Variants in SLC7A2 observed in about 807,000 individuals in gnomAD.
The protein encoded by SLC7A2 is cationic amino acid transporter 2.
In SLC7A2, 48 loss-of-function variants were observed where a neutral mutation model predicts 58.9. That is an observed-to-expected ratio of 0.82 (90% CI 0.65 to 1.04). The LOEUF is 1.04. Among genes scored for constraint, SLC7A2 ranks in the 50% least tolerant of loss-of-function variants. The probability of loss-of-function intolerance (pLI) is 0.00; values close to 1 mark genes in which losing one functional copy is unlikely to be tolerated. For synonymous variants in SLC7A2, 363 were observed against 314.5 expected (o/e 1.15, Z -1.63); for missense variants, 1,029 against 818.8 (o/e 1.26, Z -3.13).
chr8:17,532,583 A>G (rs1217428871), intron 2 of SLC7A2, among the ~76,000 whole-genome samples: 1 of 152,158 alleles, frequency 6.6e-6, no homozygotes, highest in Non-Finnish European at 1.5e-5. Flanking sequence ...TGAACAGCTA[A>G]TAAGTTGAAT....
At position 17,565,090 on chromosome 8, in the gene SLC7A2, C is replaced by G. The variant is rs1056220203; in HGVS notation, c.1921C>G (p.His641Asp). 3.7e-6 allele frequency: 6 copies of G among 1,613,844 alleles called. No homozygotes were observed. In the Admixed American group the frequency reaches 5.0e-5, roughly 13 times the overall value. ...EKSAIQANDH[H>D]PRNLSSPFIF... ...ATCTGCCATTCAAGCAAATGACCAT[C>G]ACCCAAGAAATCTCAGTTCACCTTT... Residue 641 changes from histidine (H) to aspartate (D), a missense_variant, in exon 13 of 13, where the codon CAC becomes GAC. Transcript: ENST00000494857.
Position 17,543,712 on chromosome 8 carries a change from A to T in SLC7A2, c.373A>T (p.Ile125Leu). ...CTGGAATCTCATTTTATCGTATGTG[A>T]TAGGTATGTTTCAAAAAGAAATCTA... ...TGWNLILSYV[I>L]GTSSVARAWS... is the part of the protein sequence containing the mutation. Residue 125 changes from isoleucine to leucine, a missense_variant, in exon 3 of 13, where the codon ATA (isoleucine) becomes TTA (leucine). Transcript: ENST00000494857. 1 of 1,516,014 alleles carries T rather than the reference A, an allele frequency of 6.6e-7. No individual in the cohort carries two copies. The highest frequency in any genetic ancestry group is 8.8e-7 in the Non-Finnish European group (1 of 1,133,240). The allele number at this position is 1,516,014 out of a possible 1,614,324, so 93.9% of individuals were successfully genotyped here.
At chr8:17,500,395 T>G (rs539826839) in intron 1 of SLC7A2, 1 of 152,308 alleles carries the variant, frequency 6.6e-6, no homozygotes, top group African/African-American at 2.4e-5. Context: ...AAGTGGTGTT[T>G]GTGGTTATGG....
chr8:17,501,265 C>T (rs1339294863), intron 1 of SLC7A2, among the ~76,000 whole-genome samples: 10 of 152,142 alleles, frequency 6.6e-5, no homozygotes, highest in Non-Finnish European at 8.8e-5. Context: ...CCGCCTGCCT[C>T]GGCTTTCCAA....
At chr8:17,494,370 A>G (rs1174306903), upstream of SLC7A2, among the ~76,000 whole-genome samples, 1 of 152,224 alleles carries the variant, frequency 6.6e-6, no homozygotes, top group Non-Finnish European at 1.5e-5. Flanking sequence ...TCTTTGGAAG[A>G]TGACAACCTA....
intron 8 of SLC7A2, among the ~76,000 whole-genome samples, chr8:17,556,596 C>T (rs780048400): frequency 2.3e-4 from 35 of 149,784 alleles, no homozygotes; most frequent in Non-Finnish European, 3.8e-4. Context: ...AATAATCTGA[C>T]GTATATGAGC....
chr8:17,502,235 C>G (rs557693338), intron 1 of SLC7A2, 22 bp from the exon 2 acceptor site: 2 of 152,010 alleles, frequency 1.3e-5, no homozygotes, highest in South Asian at 2.1e-4. Flanking sequence ...TTAGTTATCA[C>G]TCCCATCATT....
intron 2 of SLC7A2, among the ~76,000 whole-genome samples, chr8:17,518,214 C>T (rs1563443054): frequency 7.0e-6 from 1 of 143,254 alleles, no homozygotes; most frequent in East Asian, 2.1e-4. Context: ...TTTTTCTTTT[C>T]TTTCTTTTTT....
chr8:17,553,266 G>A (rs935373055), intron 7 of SLC7A2, among the ~76,000 whole-genome samples: 4 of 152,064 alleles, frequency 2.6e-5, no homozygotes. Context: ...CCCGAGGCTG[G>A]TCTTGAACTC....
In SLC7A2 at chr8:17,521,454, T is replaced by C. The variant is rs139495336; in HGVS notation, c.-23+19152T>C. ...TAGGCACACTGTCTGTCTCATTAAT[T>C]TCTGTAAACGTCTTGGTTAAGGAAT... On this transcript the variant is annotated intron_variant, in intron 2 of 12. Coordinates refer to ENST00000494857, the MANE Select transcript of SLC7A2 (RefSeq NM_001370338.1). Among the ~76,000 whole-genome samples the C allele has an allele frequency of 2.2e-3, 334 of 152,354 alleles. 2 individuals carry two copies. Among genetic ancestry groups the C allele is most frequent in the African/African-American group, 7.8e-3 (325 of 41,582 alleles).
chr8:17,535,299 C>G (rs1362587681), intron 2 of SLC7A2, among the ~76,000 whole-genome samples: 1 of 152,098 alleles, frequency 6.6e-6, no homozygotes, highest in Admixed American at 6.5e-5. Context: ...ACCGCCCCCT[C>G]CCGCCCTCCT....
rs1443030475 is a variant in SLC7A2 at position 17,520,880 on chromosome 8, G to T, written c.-23+18578G>T. On this transcript the variant is annotated intron_variant, in intron 2 of 12. Coordinates refer to ENST00000494857, the MANE Select transcript of SLC7A2 (RefSeq NM_001370338.1). ...AATACTGAAGAAAAAAGATATTTAA[G>T]TGTCTTAAAAGCAAATCAGTTCTGT... 3 of 227,334 alleles carry T rather than the reference G, an allele frequency of 1.3e-5. No individual in the cohort carries two copies. The East Asian group carries it at 5.4e-4, about 41-fold the overall frequency. 14.1% of individuals were successfully genotyped at this position (227,334 alleles called of 1,614,324 possible). A position where few individuals can be genotyped will look rare whatever the true frequency, so the allele number is the denominator to read the frequency against.
At chr8:17,564,118 T>A (rs1352067095) in intron 12 of SLC7A2, among the ~76,000 whole-genome samples, 2 of 152,228 alleles carry the variant, frequency 1.3e-5, no homozygotes, top group Non-Finnish European at 2.9e-5. Flanking sequence ...ACAGTTGCTT[T>A]GCATACAGTT....
At position 17,567,844 on chromosome 8, in the gene SLC7A2, C is replaced by G. The variant is rs1040308067; in HGVS notation, c.*2698C>G. On this transcript the variant is annotated 3_prime_UTR_variant, in exon 13 of 13. Transcript: ENST00000494857. ...AAACTCTAGTACATTATAGCAGGTG[C>G]TTTGTAATCTGGAATGGAGAAGAGG... is the stretch of plus-strand genomic sequence containing the variant. 1 of 152,086 alleles carries G rather than the reference C, an allele frequency of 6.6e-6. No homozygotes were observed. The highest frequency in any genetic ancestry group is 2.4e-5 in the African/African-American group (1 of 41,388). The allele number at this position is 152,086 out of a possible 1,614,324, so 9.4% of individuals were successfully genotyped here.
At chr8:17,563,261 G>T (rs1803107023) in intron 11 of SLC7A2, among the ~76,000 whole-genome samples, 1 of 152,170 alleles carries the variant, frequency 6.6e-6, no homozygotes, top group Admixed American at 6.5e-5. Flanking sequence ...AGGGCTTCCT[G>T]GGAGGATGTA....
intron 2 of SLC7A2, among the ~76,000 whole-genome samples, chr8:17,539,229 C>A (rs1801804863): frequency 6.6e-6 from 1 of 152,042 alleles, no homozygotes; most frequent in Non-Finnish European, 1.5e-5. Context: ...GGAGGTAATT[C>A]CAAGTTGCTG....
In SLC7A2 at chr8:17,497,793, G is replaced by C. The variant is rs1439192348; in HGVS notation, c.-69+556G>C. 2.0e-5 allele frequency among the ~76,000 whole-genome samples: 3 copies of C among 152,308 alleles called. No individual in the cohort carries two copies. The East Asian group carries it at 5.8e-4, about 29-fold the overall frequency. On this transcript the variant is annotated intron_variant, in intron 1 of 12. Transcript: ENST00000494857. ...GGACCTGGTAAAATAGCCCGTCTTG[G>C]TGTTTGTATTGGGTATTTTAAAGTA...
At chr8:17,543,790 G>T (rs1019342637) in intron 3 of SLC7A2, 75 bp downstream of exon 3, 4 of 1,334,042 alleles carry the variant, frequency 3.0e-6, no homozygotes, top group Non-Finnish European at 4.1e-6. Flanking sequence ...CTTAGGTTCA[G>T]TTGTAGGTGT....
chr8:17,520,641 TAAAAAAAA>T (rs61512531), intron 2 of SLC7A2: 17 of 61,124 alleles, frequency 2.8e-4, no homozygotes, highest in Non-Finnish European at 3.6e-4. Context: ...ACTCTGTCTT[TAAAAAAAA>T]AAAAAAAAAA....
Sources: gnomAD v4.1 joint callset for allele counts (sites outside exome capture counted in the v4.1 genomes callset) on GRCh38, gnomAD v4.1.1 for gene constraint, MANE v1.5 for transcripts, NCBI Gene and HGNC (gene_info 2026-07-23, HGNC 2026-07-21) for gene names.